SORCS2: variants seen among roughly 807,000 people sequenced by gnomAD.
The protein encoded by SORCS2 is sortilin related VPS10 domain containing receptor 2.
SORCS2 carries 100 observed loss-of-function variants against 141.6 expected under a neutral mutation model. That is an observed-to-expected ratio of 0.71 (90% confidence interval 0.60 to 0.83). SORCS2 has a LOEUF of 0.83. Among genes scored for constraint, SORCS2 ranks in the 40% least tolerant of loss-of-function variants. The pLI, the probability that SORCS2 is intolerant of heterozygous loss-of-function variation, is 0.00. For missense variants in SORCS2, 1,646 were observed against 1,560.2 expected, an observed-to-expected ratio of 1.05 and a Z score of -0.93; for synonymous variants, 789 against 676.9, an observed-to-expected ratio of 1.17 and a Z score of -2.57.
intron 1 of SORCS2, among the ~76,000 whole-genome samples, chr4:7,267,703 T>G (rs1577339312): frequency 6.6e-6 from 1 of 152,318 alleles, no homozygotes; most frequent in Admixed American, 6.5e-5. Flanking sequence ...TGGTGGCAGG[T>G]GCCTGTAATC....
intron 1 of SORCS2, among the ~76,000 whole-genome samples, chr4:7,258,842 T>C (rs1397932569): frequency 1.3e-5 from 2 of 152,222 alleles, no homozygotes; most frequent in African/African-American, 4.8e-5. Flanking sequence ...TGGTATCTCA[T>C]TGTGGTTTTG....
intron 1 of SORCS2, among the ~76,000 whole-genome samples, chr4:7,293,202 G>A (rs1296475249): frequency 6.6e-6 from 1 of 152,072 alleles, no homozygotes; most frequent in Non-Finnish European, 1.5e-5. Flanking sequence ...TACTCGGGAG[G>A]CTAAGGCAGG....
At chr4:7,714,410 C>T (rs1242039467) in intron 16 of SORCS2, 37 bp downstream of exon 16, 2 of 1,539,206 alleles carry the variant, frequency 1.3e-6, no homozygotes, top group East Asian at 2.5e-5. Flanking sequence ...GCCTCAGGCG[C>T]TGCTTGAGCA....
intron 3 of SORCS2, among the ~76,000 whole-genome samples, chr4:7,619,917 G>A (rs761483543): frequency 6.6e-5 from 10 of 152,112 alleles, no homozygotes; most frequent in Non-Finnish European, 1.5e-4. Flanking sequence ...GCACAGATTC[G>A]TCAGCCCCTG....
chr4:7,649,714 G>T (rs568217569), intron 4 of SORCS2, among the ~76,000 whole-genome samples: 17 of 152,220 alleles, frequency 1.1e-4, no homozygotes, highest in Middle Eastern at 3.4e-3. Context: ...GGAGGAGGGG[G>T]CACACCTGCC....
intron 2 of SORCS2, among the ~76,000 whole-genome samples, chr4:7,472,197 A>G (rs1486137180): frequency 6.6e-6 from 1 of 151,496 alleles, no homozygotes; most frequent in Non-Finnish European, 1.5e-5. Flanking sequence ...AGACCCAAAG[A>G]GCAGAAGGGA....
intron 14 of SORCS2, among the ~76,000 whole-genome samples, 164 bp downstream of exon 14, chr4:7,704,448 C>T (rs1480292660): frequency 1.3e-5 from 2 of 152,204 alleles, no homozygotes; most frequent in Non-Finnish European, 2.9e-5. Context: ...GGCTCCAGGC[C>T]GGCTCCACCA....
At chr4:7,541,323 A>T (rs1031773642) in intron 3 of SORCS2, among the ~76,000 whole-genome samples, 2 of 152,318 alleles carry the variant, frequency 1.3e-5, no homozygotes, top group East Asian at 3.9e-4. Context: ...GGACCTGGGC[A>T]CATGCTGGGG....
intron 2 of SORCS2, among the ~76,000 whole-genome samples, chr4:7,438,693 G>T (rs1180923745): frequency 6.7e-6 from 1 of 148,704 alleles, no homozygotes; most frequent in African/African-American, 2.5e-5. Flanking sequence ...TTTTTTAAAA[G>T]ACTCAGAATT....
intron 3 of SORCS2, among the ~76,000 whole-genome samples, chr4:7,588,282 G>A (rs1211337873): frequency 6.6e-6 from 1 of 152,162 alleles, no homozygotes; most frequent in Non-Finnish European, 1.5e-5. Context: ...CCACAAAGCT[G>A]CCCTTGGTTT....
intron 1 of SORCS2, among the ~76,000 whole-genome samples, chr4:7,368,881 G>A (rs954897763): frequency 6.6e-6 from 1 of 152,164 alleles, no homozygotes; most frequent in African/African-American, 2.4e-5. Context: ...TCTTGATAGT[G>A]AGAGTCTCAC....
chr4:7,601,783 A>C (rs1481930582), intron 3 of SORCS2, among the ~76,000 whole-genome samples: 3 of 152,068 alleles, frequency 2.0e-5, no homozygotes, highest in African/African-American at 7.3e-5. Context: ...ATGTGAACAA[A>C]GGTCTCTGGT....
At chr4:7,277,488 C>G (rs1027780631) in intron 1 of SORCS2, among the ~76,000 whole-genome samples, 2 of 152,144 alleles carry the variant, frequency 1.3e-5, no homozygotes, top group Non-Finnish European at 2.9e-5. Flanking sequence ...CCTGCGGAGA[C>G]AGTAGAACTT....
rs536827414 is a variant in SORCS2, at chr4:7,265,889, T to A, written c.480+72763T>A. On this transcript the variant is annotated intron_variant, in intron 1 of 26. Coordinates refer to ENST00000507866, the MANE Select transcript of SORCS2 (RefSeq NM_020777.3). Reference sequence around the variant, plus strand: ...AGGGAGGGGCTGGCTCTGCTCTCTGTTTGCAGTCCCCAAATTCAGCCCAGG... The same window carrying A: ...AGGGAGGGGCTGGCTCTGCTCTCTGATTGCAGTCCCCAAATTCAGCCCAGG... Among the ~76,000 whole-genome samples the A allele has an allele frequency of 2.0e-5, 3 of 152,218 alleles. No homozygotes were observed. The East Asian group carries it at 5.8e-4, about 29-fold the overall frequency.
At chr4:7,289,764 C>A (rs1185864003) in intron 1 of SORCS2, among the ~76,000 whole-genome samples, 1 of 152,224 alleles carries the variant, frequency 6.6e-6, no homozygotes, top group Non-Finnish European at 1.5e-5. Context: ...GCTGCAGAGG[C>A]GGACGTGGGT....
At chr4:7,691,514 G>A (rs1400368858) in intron 11 of SORCS2, among the ~76,000 whole-genome samples, 1 of 152,134 alleles carries the variant, frequency 6.6e-6, no homozygotes, top group East Asian at 1.9e-4. Context: ...GGAGGGGATT[G>A]TGAACAAAGC....
At chr4:7,270,248 A>G (rs1484098816) in intron 1 of SORCS2, among the ~76,000 whole-genome samples, 1 of 152,250 alleles carries the variant, frequency 6.6e-6, no homozygotes, top group Non-Finnish European at 1.5e-5. Context: ...ACGGGGCCGC[A>G]GAGCAGGCGG....
intron 10 of SORCS2, among the ~76,000 whole-genome samples, chr4:7,687,118 A>G (rs1487659294): frequency 6.6e-6 from 1 of 152,188 alleles, no homozygotes; most frequent in Non-Finnish European, 1.5e-5. Flanking sequence ...GGAGAGGTTG[A>G]CGGAGACCAA....
chr4:7,266,334 C>T (rs1342347663), intron 1 of SORCS2, among the ~76,000 whole-genome samples: 2 of 152,182 alleles, frequency 1.3e-5, no homozygotes, highest in Admixed American at 6.5e-5. Context: ...GCTTCCTACC[C>T]GAGCCCTGGC....
Sources: allele counts gnomAD v4.1 joint callset (sites outside exome capture counted in the v4.1 genomes callset), GRCh38; gene constraint gnomAD v4.1.1; transcripts MANE v1.5; gene names NCBI Gene and HGNC (gene_info 2026-07-23, HGNC 2026-07-21).